The following KCND3 variants were observed in gnomAD, a reference collection of about 807,000 sequenced individuals.
KCND3 encodes potassium voltage-gated channel subfamily D member 3.
KCND3 carries 9 observed loss-of-function variants against 51.1 expected under a neutral mutation model. The observed-to-expected ratio is 0.18, with a 90% CI of 0.11 to 0.31. The LOEUF is 0.31. Ranked by LOEUF, KCND3 falls within the 10% of genes least tolerant of loss-of-function variation. KCND3 has a pLI of 1.00. For missense variants in KCND3, 526 were observed against 903.8 expected (o/e 0.58, Z 5.36); for synonymous variants, 349 against 368.0 (o/e 0.95, Z 0.59).
chr1:111,929,980 T>C (rs769906643), intron 2 of KCND3, among the ~76,000 whole-genome samples: 9 of 152,232 alleles, frequency 5.9e-5, no homozygotes, highest in Non-Finnish European at 1.3e-4. Context: ...CATTGTCCTT[T>C]GCTAAATTTA....
chr1:111,942,638 T>A (rs1672580914), intron 2 of KCND3, among the ~76,000 whole-genome samples: 1 of 152,222 alleles, frequency 6.6e-6, no homozygotes, highest in Non-Finnish European at 1.5e-5. Context: ...CTTCTCCACC[T>A]TCCTGTCTCA....
intron 2 of KCND3, among the ~76,000 whole-genome samples, chr1:111,806,733 G>C (rs190824984): frequency 5.3e-5 from 8 of 152,284 alleles, no homozygotes; most frequent in African/African-American, 1.9e-4. Flanking sequence ...GAGGAAGTGA[G>C]AACTCAAAGA....
rs12138082 is a variant in KCND3 at position 111,786,674 on chromosome 1, G to A, written c.1269+270C>T. 0.046 allele frequency among the ~76,000 whole-genome samples: 6,954 copies of A among 152,282 alleles called. 206 individuals carry two copies. The highest frequency in any genetic ancestry group is 0.073 in the Admixed American group (1,116 of 15,290). The stretch of plus-strand genomic sequence containing the variant: ...GCTGAGTGGCAGTGGCTGAGGGAGT[G>A]GAGGTGGAGCCAGGAGCCAAGGAAA... On this transcript the variant is annotated intron_variant, in intron 3 of 7. Transcript: ENST00000302127.
chr1:111,841,625 A>G (rs1667324228), intron 2 of KCND3, among the ~76,000 whole-genome samples: 1 of 152,250 alleles, frequency 6.6e-6, no homozygotes, highest in African/African-American at 2.4e-5. Flanking sequence ...AATACTACTT[A>G]TCTTTTGGGG....
intron 2 of KCND3, among the ~76,000 whole-genome samples, chr1:111,956,590 G>A (rs1673355977): frequency 6.6e-6 from 1 of 152,114 alleles, no homozygotes; most frequent in South Asian, 2.1e-4. Context: ...TTTTTCTGAT[G>A]TGCGGCATTC....
chr1:111,887,222 A>G (rs902079226), intron 2 of KCND3, among the ~76,000 whole-genome samples: 2 of 152,220 alleles, frequency 1.3e-5, no homozygotes, highest in East Asian at 1.9e-4. Flanking sequence ...GGCAGCACTT[A>G]CAAGTCATTG....
chr1:111,931,563 G>A (rs1251228411), intron 2 of KCND3, among the ~76,000 whole-genome samples: 2 of 152,200 alleles, frequency 1.3e-5, no homozygotes, highest in Admixed American at 6.5e-5. Context: ...TACAGGCTGC[G>A]TGTGATTTTG....
intron 2 of KCND3, among the ~76,000 whole-genome samples, chr1:111,822,945 T>C (rs1037014906): frequency 6.6e-6 from 1 of 152,252 alleles, no homozygotes; most frequent in African/African-American, 2.4e-5. Flanking sequence ...GAACAAGATA[T>C]CATTTCCATA....
intron 2 of KCND3, among the ~76,000 whole-genome samples, chr1:111,904,357 TGGGGTTG>T (rs760077686): frequency 7.2e-5 from 11 of 151,930 alleles, no homozygotes; most frequent in Non-Finnish European, 1.5e-4. Context: ...GGCCTATGGG[TGGGGTTG>T]GGGGTTGGTG....
At position 111,948,202 on chromosome 1, in the gene KCND3, G is replaced by A. The variant is rs112396909; in HGVS notation, c.1106+33419C>T. Among the ~76,000 whole-genome samples the A allele has an allele frequency of 4.4e-3, 672 of 152,348 alleles. 6 individuals carry two copies. The highest frequency in any genetic ancestry group is 0.015 in the South Asian group (73 of 4,832). ...TGTGCGTGGCCTCCCTCTCTGCTCT[G>A]CCTCTACAGAAAGATCTATTTCAAG... On this transcript the variant is annotated intron_variant, in intron 2 of 7. Transcript: ENST00000302127.
chr1:111,887,115 G>A (rs971925012), intron 2 of KCND3, among the ~76,000 whole-genome samples: 6 of 152,192 alleles, frequency 3.9e-5, no homozygotes, highest in Non-Finnish European at 7.3e-5. Context: ...AGTTTTTGGT[G>A]GAGGTGGTGG....
chr1:111,950,442 C>T (rs1309828169), intron 2 of KCND3, among the ~76,000 whole-genome samples: 2 of 152,178 alleles, frequency 1.3e-5, no homozygotes, highest in African/African-American at 4.8e-5. Context: ...CCCCTCACTC[C>T]CTGAGGACCG....
At chr1:111,891,016 T>C (rs966383329) in intron 2 of KCND3, among the ~76,000 whole-genome samples, 2 of 152,154 alleles carry the variant, frequency 1.3e-5, no homozygotes, top group African/African-American at 4.8e-5. Context: ...ACAGGCTGCA[T>C]GGCAGAGTGA....
At chr1:111,948,345 C>G (rs1243070448) in intron 2 of KCND3, among the ~76,000 whole-genome samples, 1 of 152,238 alleles carries the variant, frequency 6.6e-6, no homozygotes, top group Non-Finnish European at 1.5e-5. Context: ...GCAAATAGAT[C>G]ACTCCCCACA....
chr1:111,825,264 A>G (rs1666523064), intron 2 of KCND3, among the ~76,000 whole-genome samples: 1 of 152,108 alleles, frequency 6.6e-6, no homozygotes, highest in South Asian at 2.1e-4. Context: ...CACTGTTAGT[A>G]TTTTTTGACC....
rs147202511 is a variant in KCND3 at position 111,874,269 on chromosome 1, C to G, written c.1107-87163G>C. 4.7e-3 allele frequency among the ~76,000 whole-genome samples: 717 copies of G among 152,364 alleles called. 7 individuals carry two copies. The highest frequency in any genetic ancestry group is 0.01 in the Middle Eastern group (3 of 294). On this transcript the variant is annotated intron_variant, in intron 2 of 7. Transcript: ENST00000302127. ...TAAACGAATCACCCCACTGCTCCCCCTCTTGCATGGACCGCTGAGGAGTTG... is the reference window on the plus strand; with the variant it reads ...TAAACGAATCACCCCACTGCTCCCCGTCTTGCATGGACCGCTGAGGAGTTG...
chr1:111,930,826 G>A (rs187000336), intron 2 of KCND3, among the ~76,000 whole-genome samples: 212 of 152,306 alleles, frequency 1.4e-3, no homozygotes, highest in African/African-American at 4.9e-3. Context: ...AGACTTAACC[G>A]TGACATGCTG....
chr1:111,883,710 G>T (rs1044871207), intron 2 of KCND3, among the ~76,000 whole-genome samples: 1 of 152,186 alleles, frequency 6.6e-6, no homozygotes, highest in Non-Finnish European at 1.5e-5. Flanking sequence ...TTTCAACCAT[G>T]TCAATGACTC....
intron 2 of KCND3, among the ~76,000 whole-genome samples, chr1:111,873,976 C>T (rs1322683395): frequency 6.6e-6 from 1 of 152,076 alleles, no homozygotes; most frequent in African/African-American, 2.4e-5. Context: ...CGATTATACC[C>T]AGGTGGATTA....
Sources: allele counts gnomAD v4.1 joint callset (sites outside exome capture counted in the v4.1 genomes callset), GRCh38; gene constraint gnomAD v4.1.1; transcripts MANE v1.5; gene names NCBI Gene and HGNC (gene_info 2026-07-23, HGNC 2026-07-21).